KPNA1: variants seen among roughly 807,000 people sequenced by gnomAD.
KPNA1 encodes importin subunit alpha-5.
Under a neutral mutation model 70.5 loss-of-function variants are expected in KPNA1, and 10 were observed. The ratio of observed to expected loss-of-function variants is 0.14; its 90% CI spans 0.09 to 0.24. The LOEUF (loss-of-function observed/expected upper bound fraction) is 0.24. Among genes scored for constraint, KPNA1 ranks in the 10% least tolerant of loss-of-function variants. KPNA1 has a pLI of 1.00. For synonymous variants in KPNA1, 192 were observed against 221.9 expected (o/e 0.87, Z 1.20); for missense variants, 397 against 637.9 (o/e 0.62, Z 4.07).
Position 122,433,701 on chromosome 3 carries a change from T to A in KPNA1, c.1210A>T (p.Ile404Phe), listed in dbSNP as rs751058951. 1 of 1,612,792 alleles carries A rather than the reference T, an allele frequency of 6.2e-7. No individual in the cohort carries two copies. Among genetic ancestry groups the A allele is most frequent in the African/African-American group, 1.3e-5 (1 of 74,848 alleles). Reference sequence around the variant, plus strand: ...GATCCTCCAGAAGTTGCATTTGTGATGGCCCAAGCTGCTTCTTTTCTTGTC... The same window carrying A: ...GATCCTCCAGAAGTTGCATTTGTGAAGGCCCAAGCTGCTTCTTTTCTTGTC... ...FRTRKEAAWA[I>F]TNATSGGSAE... The change falls in exon 12 of 14, where the codon ATC (isoleucine) becomes TTC (phenylalanine). Residue 404 changes from isoleucine to phenylalanine, a missense_variant. By Grantham distance (21) the Ile-to-Phe change is conservative. Coordinates refer to ENST00000344337, the MANE Select transcript of KPNA1 (RefSeq NM_002264.4).
chr3:122,490,869 AC>A (rs1287759865), intron 2 of KPNA1, among the ~76,000 whole-genome samples: 4 of 152,264 alleles, frequency 2.6e-5, no homozygotes, highest in African/African-American at 9.6e-5. Context: ...ATTTTCTTAA[AC>A]TAAAAGTATC....
intron 11 of KPNA1, among the ~76,000 whole-genome samples, chr3:122,436,271 G>A (rs2075986484): frequency 1.3e-5 from 2 of 152,182 alleles, no homozygotes; most frequent in South Asian, 4.1e-4. Context: ...AGATGTTATC[G>A]ATGACAATGC....
chr3:122,502,997 C>T (rs566458121), intron 1 of KPNA1, among the ~76,000 whole-genome samples: 29 of 152,050 alleles, frequency 1.9e-4, no homozygotes, highest in African/African-American at 7.0e-4. Context: ...ACTTGGGAGG[C>T]TGAGATGGGA....
chr3:122,465,276 A>C (rs1249515794), intron 3 of KPNA1, among the ~76,000 whole-genome samples: 1 of 152,244 alleles, frequency 6.6e-6, no homozygotes, highest in East Asian at 1.9e-4. Flanking sequence ...TCATAAGTTG[A>C]AAATATTAAG....
At chr3:122,508,700 C>A (rs1252535347) in intron 1 of KPNA1, among the ~76,000 whole-genome samples, 2 of 151,992 alleles carry the variant, frequency 1.3e-5, no homozygotes, top group African/African-American at 4.8e-5. Flanking sequence ...TGAGTATATG[C>A]CCTCCACCCA....
At chr3:122,444,175 T>C (rs4677952) in intron 9 of KPNA1, among the ~76,000 whole-genome samples, 54,395 of 152,170 alleles carry the variant, frequency 0.36, 10,293 homozygotes, top group Middle Eastern at 0.49. Context: ...AGAAATATGA[T>C]TCTGTTCTGC....
In KPNA1 at chr3:122,459,782, G is replaced by T; in HGVS notation, c.432+1442C>A. 3.0e-6 allele frequency: 3 copies of T among 985,430 alleles called. No individual in the cohort carries two copies. In the African/African-American group the frequency reaches 5.2e-5, roughly 17 times the overall value. 61.0% of individuals were successfully genotyped at this position (985,430 alleles called of 1,614,324 possible). ...ACATTGAAGTACTCTACCTTTTCTG[G>T]ATTTCTTGTTTTTCCTCTGGAAGGA... On this transcript the variant is annotated intron_variant, in intron 5 of 13. Transcript: ENST00000344337.
At position 122,494,347 on chromosome 3, in the gene KPNA1, C is replaced by T. The variant is rs148294671; in HGVS notation, c.129+2090G>A. Among the ~76,000 whole-genome samples the T allele has an allele frequency of 3.1e-3, 468 of 152,248 alleles. 2 individuals carry two copies. The highest frequency in any genetic ancestry group is 5.2e-3 in the Non-Finnish European group (357 of 68,004). Reference sequence around the variant, plus strand: ...AGGGGTACAGTTTCATTCTTTTGCACACAGCTCTCCAATTTTCCCAGCACT... The same window carrying T: ...AGGGGTACAGTTTCATTCTTTTGCATACAGCTCTCCAATTTTCCCAGCACT... On this transcript the variant is annotated intron_variant, in intron 2 of 13. Coordinates refer to ENST00000344337, the MANE Select transcript of KPNA1 (RefSeq NM_002264.4).
intron 2 of KPNA1, among the ~76,000 whole-genome samples, chr3:122,482,832 T>C (rs1022159521): frequency 2.0e-5 from 3 of 152,084 alleles, no homozygotes; most frequent in Non-Finnish European, 4.4e-5. Context: ...GCTAAGAGAA[T>C]GTAAAGATGA....
intron 11 of KPNA1, among the ~76,000 whole-genome samples, chr3:122,436,131 T>C (rs1397868148): frequency 1.3e-5 from 2 of 152,204 alleles, no homozygotes; most frequent in Non-Finnish European, 2.9e-5. Flanking sequence ...CTGTCTTATA[T>C]GGTTGTGGAT....
Position 122,464,025 on chromosome 3 carries a change from G to A in KPNA1, c.254C>T (p.Ser85Phe). 1.9e-6 allele frequency: 3 copies of A among 1,588,786 alleles called. No individual in the cohort carries two copies. The highest frequency in any genetic ancestry group is 2.6e-6 in the Non-Finnish European group (3 of 1,164,022). ...MEMAPGGVIT[S>F]DMIEMIFSKS... The stretch of plus-strand genomic sequence containing the variant: ...GGAAAATATCATTTCAATCATGTCA[G>A]AAGTGATGACACCACCCTGCGATCA... Residue 85 changes from serine (S) to phenylalanine (F), a missense_variant, in exon 4 of 14, where the codon TCT (serine) becomes TTT (phenylalanine). Ser to Phe is a radical substitution (Grantham distance 155). Coordinates refer to ENST00000344337, the MANE Select transcript of KPNA1 (RefSeq NM_002264.4).
intron 2 of KPNA1, among the ~76,000 whole-genome samples, chr3:122,484,927 T>G (rs991516251): frequency 6.6e-6 from 1 of 152,222 alleles, no homozygotes; most frequent in Non-Finnish European, 1.5e-5. Flanking sequence ...GGATGAGATC[T>G]CGCTTTGACG....
intron 2 of KPNA1, among the ~76,000 whole-genome samples, chr3:122,493,901 TTTTA>T: frequency 6.6e-6 from 1 of 152,216 alleles, no homozygotes; most frequent in East Asian, 1.9e-4. Context: ...TAGTTTTAAC[TTTTA>T]TTTATTTGAT....
intron 2 of KPNA1, among the ~76,000 whole-genome samples, chr3:122,485,015 G>C (rs942630604): frequency 2.0e-5 from 3 of 151,934 alleles, no homozygotes; most frequent in African/African-American, 7.3e-5. Context: ...CTTCTACCTC[G>C]GCCTCTTGAG....
rs554278894 is a variant in KPNA1, at chr3:122,493,226, C to T, written c.129+3211G>A. Among the ~76,000 whole-genome samples the T allele has an allele frequency of 6.7e-4, 102 of 152,164 alleles. 1 individual carries two copies. In the Middle Eastern group the frequency reaches 0.01, roughly 15 times the overall value. ...TCCCAAGGTCAATAAAATTTTCATGCCAGTTGTAAACTAATCAACATAATA... is the reference window on the plus strand; with the variant it reads ...TCCCAAGGTCAATAAAATTTTCATGTCAGTTGTAAACTAATCAACATAATA... On this transcript the variant is annotated intron_variant, in intron 2 of 13. Coordinates refer to ENST00000344337, the MANE Select transcript of KPNA1 (RefSeq NM_002264.4).
intron 9 of KPNA1, chr3:122,443,247 G>C (rs1185346523): frequency 5.2e-5 from 8 of 152,548 alleles, no homozygotes; most frequent in East Asian, 1.9e-4. Flanking sequence ...AGCCTGGCGG[G>C]GGGAGGGGCG....
chr3:122,513,676 C>A (rs2076981551), intron 1 of KPNA1, among the ~76,000 whole-genome samples: 1 of 151,642 alleles, frequency 6.6e-6, no homozygotes, highest in Non-Finnish European at 1.5e-5. Flanking sequence ...GGGGAAATCA[C>A]TTCATCTACT....
At chr3:122,451,788 G>A (rs1432863529) in intron 7 of KPNA1, among the ~76,000 whole-genome samples, 155 bp from the exon 8 acceptor site, 1 of 152,158 alleles carries the variant, frequency 6.6e-6, no homozygotes, top group Non-Finnish European at 1.5e-5. Context: ...AAGTAATTCA[G>A]AATTCAGAAT....
chr3:122,469,820 A>C (rs982456743), intron 2 of KPNA1, among the ~76,000 whole-genome samples: 1 of 152,260 alleles, frequency 6.6e-6, no homozygotes, highest in African/African-American at 2.4e-5. Context: ...ATGAATAAAG[A>C]TAAGAATGAT....
Sources: gnomAD v4.1 joint callset for allele counts (sites outside exome capture counted in the v4.1 genomes callset) on GRCh38, gnomAD v4.1.1 for gene constraint, MANE v1.5 for transcripts, NCBI Gene and HGNC (gene_info 2026-07-23, HGNC 2026-07-21) for gene names.